Variants in SHISA9 observed in about 807,000 individuals in gnomAD.
SHISA9 encodes the protein shisa family member 9, also known as protein shisa-9.
Under a neutral mutation model 38.0 loss-of-function variants are expected in SHISA9, and 13 were observed. That is an observed-to-expected ratio of 0.34 (90% confidence interval 0.22 to 0.54). The LOEUF is 0.54. Ranked by LOEUF, SHISA9 falls within the 20% of genes least tolerant of loss-of-function variation. The pLI is 0.91. For missense variants in SHISA9, 538 were observed against 575.8 expected (o/e 0.93, Z 0.67); for synonymous variants, 275 against 242.0 (o/e 1.14, Z -1.27).
At chr16:13,302,151 G>A in the SHISA9 span, among the ~76,000 whole-genome samples, 2 of 152,094 alleles carry the variant, frequency 1.3e-5, no homozygotes, top group Non-Finnish European at 2.9e-5. Context: ...GTCCAGTTGT[G>A]TCATGGTGGT....
At chr16:12,959,086 G>C (rs2071874287) in intron 2 of SHISA9, among the ~76,000 whole-genome samples, 1 of 152,168 alleles carries the variant, frequency 6.6e-6, no homozygotes, top group African/African-American at 2.4e-5. Context: ...GAAACCATTG[G>C]AGGATTTTCC....
At chr16:13,105,819 G>T (rs1056552692) in intron 2 of SHISA9, among the ~76,000 whole-genome samples, 1 of 152,152 alleles carries the variant, frequency 6.6e-6, no homozygotes. Context: ...TGCCTGGCCG[G>T]GGTACAGAGC....
intron 2 of SHISA9, among the ~76,000 whole-genome samples, chr16:13,144,992 A>C (rs932731083): frequency 1.3e-5 from 2 of 152,226 alleles, no homozygotes; most frequent in African/African-American, 4.8e-5. Flanking sequence ...AGGAGGGAGC[A>C]TCTTTCTTAA....
chr16:13,098,037 C>G (rs559641043), intron 2 of SHISA9, among the ~76,000 whole-genome samples: 11 of 152,198 alleles, frequency 7.2e-5, no homozygotes, highest in Admixed American at 7.2e-4. Context: ...TTTCAACAGC[C>G]TGTTAATTTG....
At chr16:13,017,907 T>G (rs948818891) in intron 2 of SHISA9, among the ~76,000 whole-genome samples, 3 of 152,200 alleles carry the variant, frequency 2.0e-5, no homozygotes, top group African/African-American at 7.2e-5. Context: ...CCTTGTTCAA[T>G]GAAAAAATTA....
At chr16:13,316,697 GA>G in the SHISA9 span, among the ~76,000 whole-genome samples, 1 of 152,106 alleles carries the variant, frequency 6.6e-6, no homozygotes, top group East Asian at 1.9e-4. Context: ...TCCAATTCCA[GA>G]GATGATAAAA....
At chr16:13,357,273 C>T in the SHISA9 span, among the ~76,000 whole-genome samples, 12 of 152,096 alleles carry the variant, frequency 7.9e-5, no homozygotes, top group Admixed American at 3.3e-4. Flanking sequence ...TTTGGGTTCA[C>T]GGATAAAACA....
intron 2 of SHISA9, among the ~76,000 whole-genome samples, chr16:13,105,090 A>G (rs751584363): frequency 5.9e-5 from 9 of 152,168 alleles, no homozygotes; most frequent in African/African-American, 1.2e-4. Flanking sequence ...AATAATAAAC[A>G]ATAAAATATA....
intron 2 of SHISA9, among the ~76,000 whole-genome samples, chr16:13,065,632 G>C (rs771590677): frequency 9.2e-5 from 14 of 152,344 alleles, no homozygotes; most frequent in Non-Finnish European, 1.9e-4. Context: ...AGTTTCTGTT[G>C]CTAAGGAAGG....
intron 2 of SHISA9, among the ~76,000 whole-genome samples, chr16:13,095,393 T>C (rs887059843): frequency 1.3e-5 from 2 of 152,066 alleles, no homozygotes; most frequent in African/African-American, 4.8e-5. Context: ...CTTAACAAAA[T>C]GGGGAAGAAG....
chr16:12,969,676 G>A (rs1021864112), intron 2 of SHISA9, among the ~76,000 whole-genome samples: 36 of 152,174 alleles, frequency 2.4e-4, no homozygotes, highest in African/African-American at 8.7e-4. Flanking sequence ...GAACCCGGGA[G>A]GCGGAGGCTG....
At chr16:13,106,938 C>T (rs2073930247) in intron 2 of SHISA9, among the ~76,000 whole-genome samples, 2 of 150,682 alleles carry the variant, frequency 1.3e-5, no homozygotes, top group South Asian at 4.2e-4. Flanking sequence ...GTTTTCTAGT[C>T]ACATCAATAA....
At chr16:13,325,544 T>C in the SHISA9 span, among the ~76,000 whole-genome samples, 1 of 152,180 alleles carries the variant, frequency 6.6e-6, no homozygotes, top group Non-Finnish European at 1.5e-5. Context: ...TATTTATACA[T>C]ACTATAGAAA....
chr16:12,979,626 A>G (rs2072214000), intron 2 of SHISA9, among the ~76,000 whole-genome samples: 1 of 151,780 alleles, frequency 6.6e-6, no homozygotes, highest in Admixed American at 6.6e-5. Context: ...TTGCTTTTTA[A>G]TTTTATGGTG....
chr16:13,045,281 A>G (rs900555898), intron 2 of SHISA9, among the ~76,000 whole-genome samples: 1 of 152,200 alleles, frequency 6.6e-6, no homozygotes, highest in Non-Finnish European at 1.5e-5. Context: ...AATGCCTACT[A>G]TGAGGTAGAT....
chr16:13,212,813 C>G (rs927213437), intron 3 of SHISA9, among the ~76,000 whole-genome samples: 1 of 152,052 alleles, frequency 6.6e-6, no homozygotes, highest in Admixed American at 6.6e-5. Flanking sequence ...ATAATGTGCC[C>G]CTTTTCAGGA....
the SHISA9 span, among the ~76,000 whole-genome samples, chr16:13,423,139 G>C: frequency 2.6e-5 from 4 of 152,174 alleles, no homozygotes; most frequent in Non-Finnish European, 5.9e-5. Flanking sequence ...AGATGGTATT[G>C]ATCTGGGCAT....
chr16:13,444,870 T>G, the SHISA9 span, among the ~76,000 whole-genome samples: 4 of 150,732 alleles, frequency 2.7e-5, no homozygotes, highest in South Asian at 8.6e-4. Context: ...CAGGCTGGAG[T>G]GCAGTGGTGC....
chr16:12,950,103 G>A (rs2071735721), intron 2 of SHISA9, among the ~76,000 whole-genome samples: 1 of 152,092 alleles, frequency 6.6e-6, no homozygotes, highest in Admixed American at 6.6e-5. Context: ...CCTACATACA[G>A]GTGAGAACGT....
Sources: allele counts gnomAD v4.1 joint callset (sites outside exome capture counted in the v4.1 genomes callset), GRCh38; gene constraint gnomAD v4.1.1; transcripts MANE v1.5; gene names NCBI Gene and HGNC (gene_info 2026-07-23, HGNC 2026-07-21).